Variants in NFATC2 observed in about 807,000 individuals in gnomAD.
NFATC2 encodes the protein nuclear factor of activated T-cells, cytoplasmic 2.
A neutral mutation model predicts 87.3 loss-of-function variants in NFATC2; 22 were observed. The ratio of observed to expected loss-of-function variants is 0.25; its 90% confidence interval spans 0.18 to 0.36. The LOEUF is 0.36. Among genes scored for constraint, NFATC2 ranks in the 10% least tolerant of loss-of-function variants. NFATC2 has a pLI of 1.00. For synonymous variants in NFATC2, 565 were observed against 542.2 expected, an observed-to-expected ratio of 1.04 and a Z score of -0.58; for missense variants, 1,149 against 1,259.1, an observed-to-expected ratio of 0.91 and a Z score of 1.32.
At position 51,554,549 on chromosome 20, in the gene NFATC2, C is replaced by T. The variant is rs139428232; in HGVS notation, c.70+8011G>A. The stretch of plus-strand genomic sequence containing the variant: ...TTTAAAACAATAGTAAAAATGGAAG[C>T]TAACAGGAACTGACCCCTTTGTCTT... On this transcript the variant is annotated intron_variant, in intron 1 of 10. Coordinates refer to the NFATC2 transcript ENST00000414705. Among the ~76,000 whole-genome samples, 288 of 152,316 alleles carry T rather than the reference C, an allele frequency of 1.9e-3. 1 individual carries two copies. Among genetic ancestry groups the T allele is most frequent in the Middle Eastern group, 6.8e-3 (2 of 294 alleles).
upstream of NFATC2, among the ~76,000 whole-genome samples, chr20:51,546,959 G>C (rs2076894489): frequency 6.6e-6 from 1 of 152,218 alleles, no homozygotes; most frequent in Admixed American, 6.5e-5. Context: ...GGACCCGAAA[G>C]AAGACAGGAG....
At chr20:51,464,733 A>AC in intron 5 of NFATC2, among the ~76,000 whole-genome samples, 1 of 152,172 alleles carries the variant, frequency 6.6e-6, no homozygotes, top group Non-Finnish European at 1.5e-5. Flanking sequence ...TTGGTCTCTG[A>AC]TTTATAATGA....
intron 1 of NFATC2, among the ~76,000 whole-genome samples, chr20:51,551,268 CA>C (rs917288980): frequency 1.4e-4 from 21 of 149,964 alleles, no homozygotes; most frequent in South Asian, 6.3e-4. Context: ...AAAATGAATG[CA>C]AAAAAAAATC....
At chr20:51,405,395 A>G (rs1988458306) in intron 9 of NFATC2, among the ~76,000 whole-genome samples, 1 of 150,892 alleles carries the variant, frequency 6.6e-6, no homozygotes, top group Admixed American at 6.6e-5. Flanking sequence ...TCGAGTTCCC[A>G]GGGAACTGTG....
intron 3 of NFATC2, among the ~76,000 whole-genome samples, chr20:51,487,898 G>A (rs905616828): frequency 6.6e-6 from 1 of 152,118 alleles, no homozygotes; most frequent in Admixed American, 6.5e-5. Flanking sequence ...CATTTCAAAG[G>A]GTGGGTTTTT....
At chr20:51,481,690 AGCCAACT>A (rs1989272805) in intron 3 of NFATC2, among the ~76,000 whole-genome samples, 1 of 151,994 alleles carries the variant, frequency 6.6e-6, no homozygotes, top group Non-Finnish European at 1.5e-5. Context: ...GGACCCAAGA[AGCCAACT>A]GCAGGCTTGG....
intron 1 of NFATC2, among the ~76,000 whole-genome samples, chr20:51,532,982 C>T (rs989709458): frequency 6.6e-5 from 10 of 152,200 alleles, no homozygotes; most frequent in African/African-American, 2.4e-4. Context: ...CAAGCTGATC[C>T]GACCCACGGC....
intron 5 of NFATC2, among the ~76,000 whole-genome samples, chr20:51,461,328 C>T (rs947361701): frequency 2.0e-5 from 3 of 152,178 alleles, no homozygotes; most frequent in Non-Finnish European, 4.4e-5. Context: ...AACCGCACAG[C>T]CTGCAGTTTT....
At position 51,475,458 on chromosome 20, in the gene NFATC2, G is replaced by T. The variant is rs375019669; in HGVS notation, c.1535C>A (p.Thr512Asn). The T allele has an allele frequency of 8.1e-6, 13 of 1,613,326 alleles. No homozygotes were observed. The African/African-American group carries it at 1.7e-4, about 22-fold the overall frequency. The change falls in exon 4 of 11, where the codon ACC becomes AAC. Residue 512 changes from threonine to asparagine, a missense_variant and splice_region_variant. Transcript: ENST00000371564. ...PLEPKNNMRATIDCAGILKLR... is the reference protein window; with the variant it reads ...PLEPKNNMRANIDCAGILKLR... ...GCCGCCCTCAGCTCCCAGCCCTTACGTTGCCCTCATGTTGTTTTTGGGCTC... is the reference window on the plus strand; with the variant it reads ...GCCGCCCTCAGCTCCCAGCCCTTACTTTGCCCTCATGTTGTTTTTGGGCTC...
At position 51,493,648 on chromosome 20, in the gene NFATC2, G is replaced by A. The variant is rs546275101; in HGVS notation, c.1333-17988C>T. Among the ~76,000 whole-genome samples, 17 of 152,234 alleles carry A rather than the reference G, an allele frequency of 1.1e-4. No individual in the cohort carries two copies. The East Asian group carries it at 3.1e-3, about 28-fold the overall frequency. On this transcript the variant is annotated intron_variant, in intron 3 of 10. Transcript: ENST00000371564. ...CGAATGCAGCAGACACTGGTTCAACGTCACCGCAGGGAAACCCCACTGGGC... is the reference window on the plus strand; with the variant it reads ...CGAATGCAGCAGACACTGGTTCAACATCACCGCAGGGAAACCCCACTGGGC...
chr20:51,461,492 C>T (rs542787268), intron 5 of NFATC2, among the ~76,000 whole-genome samples: 8 of 152,302 alleles, frequency 5.3e-5, no homozygotes, highest in East Asian at 1.9e-4. Context: ...GATTCTGGCA[C>T]GTCATAAAGT....
upstream of NFATC2, among the ~76,000 whole-genome samples, chr20:51,543,809 T>C (rs1025520455): frequency 2.0e-5 from 3 of 152,046 alleles, no homozygotes; most frequent in African/African-American, 7.2e-5. Context: ...AATAAAACTC[T>C]GCCAGGGGGC....
chr20:51,396,398 CT>C (rs1987149777), intron 10 of NFATC2, among the ~76,000 whole-genome samples: 1 of 152,092 alleles, frequency 6.6e-6, no homozygotes, highest in South Asian at 2.1e-4. Flanking sequence ...ATTTAAAGGA[CT>C]TTCAAGGGTG....
chr20:51,504,999 CTTTTTTTTTTTTTTTTTT>C (rs34489487), intron 3 of NFATC2, among the ~76,000 whole-genome samples: 6 of 72,504 alleles, frequency 8.3e-5, no homozygotes, highest in East Asian at 5.4e-4. Context: ...TATCTAGTTC[CTTTTTTTTTTTTTTTTTT>C]TTTTTTTTTT....
chr20:51,392,505 A>G (rs181944893), intron 10 of NFATC2, among the ~76,000 whole-genome samples: 1 of 152,248 alleles, frequency 6.6e-6, no homozygotes, highest in Admixed American at 6.5e-5. Context: ...CATTCTTGGA[A>G]AGAAGAAGGT....
At chr20:51,450,696 C>T (rs1464341937) in intron 6 of NFATC2, among the ~76,000 whole-genome samples, 1 of 152,212 alleles carries the variant, frequency 6.6e-6, no homozygotes, top group African/African-American at 2.4e-5. Context: ...CCAAGCTAAA[C>T]TGTCTGCCTC....
Position 51,452,423 on chromosome 20 carries a change from G to A in NFATC2, c.1849+2125C>T, listed in dbSNP as rs1054840460. Among the ~76,000 whole-genome samples, 18 of 152,116 alleles carry A rather than the reference G, an allele frequency of 1.2e-4. No homozygotes were observed. The East Asian group carries it at 2.3e-3, about 20-fold the overall frequency. On this transcript the variant is annotated intron_variant, in intron 6 of 10. Coordinates refer to ENST00000371564, the MANE Select transcript of NFATC2 (RefSeq NM_012340.5). ...CCACTGGAGGCCATCCTGGGAGGTC[G>A]GAGCCAATTCCCAGGACTTCACCTC...
chr20:51,398,958 T>C, intron 9 of NFATC2: 1 of 479,274 alleles, frequency 2.1e-6, no homozygotes, highest in African/African-American at 1.9e-5. Flanking sequence ...TGCATTACAT[T>C]ATGTGGGGTG....
intron 6 of NFATC2, among the ~76,000 whole-genome samples, chr20:51,436,425 AG>A (rs1983587913): frequency 2.0e-5 from 3 of 148,838 alleles, no homozygotes. Flanking sequence ...GGCATTATTA[AG>A]GGCTGGGCAT....
Sources: gnomAD v4.1 joint callset for allele counts (sites outside exome capture counted in the v4.1 genomes callset) on GRCh38, gnomAD v4.1.1 for gene constraint, MANE v1.5 for transcripts, NCBI Gene and HGNC (gene_info 2026-07-23, HGNC 2026-07-21) for gene names.